The following FOXP1 variants were observed in gnomAD, a reference collection of about 807,000 sequenced individuals.
The protein encoded by FOXP1 is forkhead box P1, also known as forkhead box protein P1.
Under a neutral mutation model 98.2 loss-of-function variants are expected in FOXP1, and 15 were observed. That is an observed-to-expected ratio of 0.15 (90% confidence interval 0.10 to 0.24). FOXP1 has a LOEUF of 0.24. Ranked by LOEUF, FOXP1 falls within the 10% of genes least tolerant of loss-of-function variation. The pLI is 1.00. For synonymous variants in FOXP1, 371 were observed against 314.5 expected, an observed-to-expected ratio of 1.18 and a Z score of -1.90; for missense variants, 633 against 848.5, an observed-to-expected ratio of 0.75 and a Z score of 3.15.
In FOXP1 at chr3:71,398,525, T is replaced by C. The variant is rs1457848547; in HGVS notation, c.-167-39281A>G. Among the ~76,000 whole-genome samples, 7 of 152,212 alleles carry C rather than the reference T, an allele frequency of 4.6e-5. No homozygotes were observed. In the South Asian group the frequency reaches 1.0e-3, roughly 22 times the overall value. On this transcript the variant is annotated intron_variant, in intron 3 of 20. Coordinates refer to ENST00000649528, the MANE Select transcript of FOXP1 (RefSeq NM_001349338.3). ...TGTTTAAATTCCAACATAAAATTTG[T>C]ACACAACAATAAAACATGTGGCTCA... is the stretch of plus-strand genomic sequence containing the variant.
intron 6 of FOXP1, among the ~76,000 whole-genome samples, chr3:71,128,664 C>T (rs1167942726): frequency 1.3e-5 from 2 of 152,038 alleles, no homozygotes; most frequent in South Asian, 4.2e-4. Context: ...ACTGGTTTGT[C>T]CAATGGTATT....
chr3:71,101,098 A>G (rs2056918118), intron 7 of FOXP1, among the ~76,000 whole-genome samples: 1 of 152,176 alleles, frequency 6.6e-6, no homozygotes, highest in South Asian at 2.1e-4. Flanking sequence ...AAACACAGAA[A>G]AAGGAACGGA....
chr3:71,423,599 C>T (rs1396960788), intron 3 of FOXP1, among the ~76,000 whole-genome samples: 2 of 152,238 alleles, frequency 1.3e-5, no homozygotes, highest in Non-Finnish European at 2.9e-5. Flanking sequence ...ACAAAGCAGA[C>T]CTGACAAAGA....
intron 3 of FOXP1, among the ~76,000 whole-genome samples, chr3:71,375,931 A>G (rs895790346): frequency 9.9e-5 from 15 of 152,180 alleles, no homozygotes; most frequent in African/African-American, 3.6e-4. Context: ...GGCTAACTCT[A>G]TAGTATGGTA....
chr3:71,180,358 G>T (rs2062214803), intron 6 of FOXP1, among the ~76,000 whole-genome samples: 1 of 151,854 alleles, frequency 6.6e-6, no homozygotes, highest in South Asian at 2.1e-4. Context: ...TTGGTTCTAG[G>T]TACTAATCCC....
Position 71,214,751 on chromosome 3 carries a change from G to A in FOXP1, c.-11-16359C>T, listed in dbSNP as rs951490686. On this transcript the variant is annotated intron_variant, in intron 5 of 20. Transcript: ENST00000649528. ...CACGTTCTCCCCCAAAAGAGAGAGA[G>A]GAGCGGGGGAGAGAGGATCATAACC... is the stretch of plus-strand genomic sequence containing the variant. 2.2e-4 allele frequency among the ~76,000 whole-genome samples: 33 copies of A among 152,192 alleles called. 1 individual carries two copies. Among genetic ancestry groups the A allele is most frequent in the African/African-American group, 2.4e-5 (1 of 41,434 alleles).
chr3:70,999,333 C>A (rs905484272), intron 13 of FOXP1, among the ~76,000 whole-genome samples: 2 of 152,172 alleles, frequency 1.3e-5, no homozygotes, highest in African/African-American at 2.4e-5. Context: ...TGTGATCCAC[C>A]CGCCTTGGCC....
intron 3 of FOXP1, among the ~76,000 whole-genome samples, chr3:71,413,299 A>G (rs907843778): frequency 1.8e-5 from 2 of 110,390 alleles, no homozygotes; most frequent in Non-Finnish European, 4.2e-5. Flanking sequence ...CACCCAAAAC[A>G]GCCAACCAGT....
At chr3:71,010,869 A>C (rs1181112986) in intron 12 of FOXP1, among the ~76,000 whole-genome samples, 1 of 130,066 alleles carries the variant, frequency 7.7e-6, no homozygotes, top group African/African-American at 2.9e-5. Context: ...CAAAGAAGCC[A>C]GGTGGTTTTT....
chr3:71,115,823 G>GCCTC (rs2058334156), intron 6 of FOXP1, among the ~76,000 whole-genome samples: 1 of 146,428 alleles, frequency 6.8e-6, no homozygotes, highest in Non-Finnish European at 1.5e-5. Flanking sequence ...TGCAACCTCT[G>GCCTC]CCTCCTAGGT....
intron 5 of FOXP1, among the ~76,000 whole-genome samples, chr3:71,273,212 A>T (rs1043769107): frequency 6.6e-6 from 1 of 152,214 alleles, no homozygotes; most frequent in Non-Finnish European, 1.5e-5. Flanking sequence ...GTGTGAATTC[A>T]AGTTCAATTT....
intron 5 of FOXP1, among the ~76,000 whole-genome samples, chr3:71,202,549 G>A (rs186839909): frequency 6.6e-6 from 1 of 152,152 alleles, no homozygotes; most frequent in Non-Finnish European, 1.5e-5. Flanking sequence ...GGCTAGGAGG[G>A]AGATAAGGCA....
intron 3 of FOXP1, among the ~76,000 whole-genome samples, chr3:71,455,321 G>A (rs756659072): frequency 6.6e-6 from 1 of 151,958 alleles, no homozygotes; most frequent in African/African-American, 2.4e-5. Context: ...AGCTAAAGAC[G>A]GAAAGCACCC....
chr3:71,325,680 T>C lies in FOXP1; in HGVS notation c.-72-25800A>G, dbSNP rs1021136919. 5.9e-4 allele frequency among the ~76,000 whole-genome samples: 89 copies of C among 149,776 alleles called. 1 individual carries two copies. The East Asian group carries it at 0.015, about 25-fold the overall frequency. The stretch of plus-strand genomic sequence containing the variant: ...TTATTATTATTATTATTATTATTAT[T>C]ATCACTATTTTAGAGGTGGGTCTCA... On this transcript the variant is annotated intron_variant, in intron 4 of 20. Coordinates refer to ENST00000649528, the MANE Select transcript of FOXP1 (RefSeq NM_001349338.3).
intron 5 of FOXP1, among the ~76,000 whole-genome samples, chr3:71,299,382 AAAG>A (rs1330248556): frequency 1.3e-5 from 2 of 152,156 alleles, no homozygotes; most frequent in Non-Finnish European, 2.9e-5. Context: ...TTAATTTCTG[AAAG>A]AAGGTGATTA....
At chr3:71,365,710 T>G (rs1016781042) in intron 3 of FOXP1, among the ~76,000 whole-genome samples, 1 of 152,100 alleles carries the variant, frequency 6.6e-6, no homozygotes, top group Non-Finnish European at 1.5e-5. Flanking sequence ...TCCGGCTGGG[T>G]GCGGTGGCTC....
At chr3:71,483,678 T>C (rs1000380221) in intron 3 of FOXP1, among the ~76,000 whole-genome samples, 2 of 152,192 alleles carry the variant, frequency 1.3e-5, no homozygotes, top group African/African-American at 4.8e-5. Flanking sequence ...AGGTAAATAG[T>C]TGTAACAGAC....
intron 5 of FOXP1, among the ~76,000 whole-genome samples, chr3:71,257,295 G>C (rs1248904174): frequency 6.6e-6 from 1 of 152,146 alleles, no homozygotes; most frequent in South Asian, 2.1e-4. Flanking sequence ...CGCAGAATGG[G>C]ACCAGGCATG....
At chr3:71,027,820 A>G (rs911658615) in intron 11 of FOXP1, among the ~76,000 whole-genome samples, 4 of 152,218 alleles carry the variant, frequency 2.6e-5, no homozygotes, top group African/African-American at 9.6e-5. Flanking sequence ...ATTAATAAAC[A>G]TACTTAGTAG....
Sources: gnomAD v4.1 joint callset for allele counts (sites outside exome capture counted in the v4.1 genomes callset) on GRCh38, gnomAD v4.1.1 for gene constraint, MANE v1.5 for transcripts, NCBI Gene and HGNC (gene_info 2026-07-23, HGNC 2026-07-21) for gene names.